The following VPS9D1 variants were observed in gnomAD, a reference collection of about 807,000 sequenced individuals.
The protein encoded by VPS9D1 is VPS9 domain-containing protein 1.
Under a neutral mutation model 75.8 loss-of-function variants are expected in VPS9D1, and 78 were observed. That is an observed-to-expected ratio of 1.03 (90% CI 0.86 to 1.24). VPS9D1 has a LOEUF of 1.24. Ranked by LOEUF, VPS9D1 falls within the 50% of genes most tolerant of loss-of-function variation. VPS9D1 has a pLI of 0.00. For synonymous variants in VPS9D1, 481 were observed against 385.6 expected, an observed-to-expected ratio of 1.25 and a Z score of -2.90; for missense variants, 1,057 against 847.7, an observed-to-expected ratio of 1.25 and a Z score of -3.07.
chr16:89,708,199 AG>A (rs1435015625), intron 14 of VPS9D1, among the ~76,000 whole-genome samples: 1 of 152,214 alleles, frequency 6.6e-6, no homozygotes, highest in Non-Finnish European at 1.5e-5. Flanking sequence ...CTCAGGGGAC[AG>A]CCCCCAGCTC....
Position 89,716,808 on chromosome 16 carries a change from C to G in VPS9D1, c.190G>C (p.Val64Leu), listed in dbSNP as rs2061080869. The G allele has an allele frequency of 6.3e-7, 1 of 1,592,116 alleles. No homozygotes were observed. The highest frequency in any genetic ancestry group is 8.5e-7 in the Non-Finnish European group (1 of 1,174,014). ...VETTKEAGET[V>L]PPDTSKMLKL... ...AGCATCTTGGAGGTGTCGGGGGGCA[C>G]AGTTTCCCCAGCTTCTGGGGGAGGG... is the stretch of plus-strand genomic sequence containing the variant. Residue 64 changes from valine to leucine, a missense_variant, in exon 3 of 15, where the codon GTG becomes CTG. Val to Leu is a conservative substitution (Grantham distance 32). Coordinates refer to ENST00000389386, the MANE Select transcript of VPS9D1 (RefSeq NM_004913.3).
Position 89,712,722 on chromosome 16 carries a change from A to T in VPS9D1, c.432-6T>A. The T allele has an allele frequency of 6.3e-7, 1 of 1,582,016 alleles. No homozygotes were observed. The highest frequency in any genetic ancestry group is 8.6e-7 in the Non-Finnish European group (1 of 1,165,236). On this transcript the variant is annotated splice_region_variant and splice_polypyrimidine_tract_variant and intron_variant, in intron 4 of 14. Coordinates refer to ENST00000389386, the MANE Select transcript of VPS9D1 (RefSeq NM_004913.3). ...CCTCCAGTGGCGTCAGCTCTCTGGA[A>T]ATGTGACAAGCTGCTGTCTAGACCC...
intron 11 of VPS9D1, 23 bp from the exon 12 acceptor site, chr16:89,709,458 T>C (rs752966094): frequency 6.7e-7 from 1 of 1,497,908 alleles, no homozygotes; most frequent in Admixed American, 2.3e-5. Flanking sequence ...GAGGCCAGGC[T>C]AAGCTGCCCC....
At position 89,710,688 on chromosome 16, in the gene VPS9D1, A is replaced by G; in HGVS notation, c.1156T>C (p.Phe386Leu). The change falls in exon 10 of 15, where the codon TTC (phenylalanine) becomes CTC (leucine). Residue 386 changes from phenylalanine to leucine, a missense_variant. Transcript: ENST00000389386. Reference protein sequence around the residue: ...KDSSFEDLEQFLGTSERQGRG... With the variant: ...KDSSFEDLEQLLGTSERQGRG... ...CCCTGCCGCTCAGACGTCCCCAGGA[A>G]CTGCTCCAGGTCCTCGAACGAGCTG... is the stretch of plus-strand genomic sequence containing the variant. 1 of 1,611,198 alleles carries G rather than the reference A, an allele frequency of 6.2e-7. No homozygotes were observed. Among genetic ancestry groups the G allele is most frequent in the East Asian group, 2.2e-5 (1 of 44,828 alleles).
At chr16:89,708,050 C>T (rs2060831052) in intron 14 of VPS9D1, 96 bp from the exon 15 acceptor site, 1 of 1,280,214 alleles carries the variant, frequency 7.8e-7, no homozygotes, top group African/African-American at 1.5e-5. Context: ...AGTTCAGGAC[C>T]TGGGTGCTGA....
chr16:89,710,932 G>A lies in VPS9D1; in HGVS notation c.912C>T (p.Ser304=), dbSNP rs560282291. ...SVYSALYPAV[S]RAAAPAPGCC... is the part of the protein sequence containing the mutation. Reference sequence around the variant, plus strand: ...AGCCTGGGGCTGGCGCGGCTGCTCTGCTCACGGCGGGATACAGGGCGCTGT... The same window carrying A: ...AGCCTGGGGCTGGCGCGGCTGCTCTACTCACGGCGGGATACAGGGCGCTGT... The change falls in exon 10 of 15, where the codon AGC becomes AGT. Residue 304 remains serine (S), a synonymous_variant. Coordinates refer to ENST00000389386, the MANE Select transcript of VPS9D1 (RefSeq NM_004913.3). 8 of 1,483,386 alleles carry A rather than the reference G, an allele frequency of 5.4e-6. No homozygotes were observed. The African/African-American group carries it at 1.1e-4, about 21-fold the overall frequency. 91.9% of individuals were successfully genotyped at this position (1,483,386 alleles called of 1,614,324 possible). A position where few individuals can be genotyped will look rare whatever the true frequency, so the allele number is the denominator to read the frequency against.
chr16:89,712,215 GT>G, intron 6 of VPS9D1, 116 bp from the exon 7 acceptor site: 6 of 1,464,368 alleles, frequency 4.1e-6, no homozygotes, highest in African/African-American at 1.4e-5. Context: ...GTGAGGGGCT[GT>G]CCCCAGGTAA....
At chr16:89,715,534 T>A (rs1404245745) in intron 4 of VPS9D1, among the ~76,000 whole-genome samples, 1 of 151,860 alleles carries the variant, frequency 6.6e-6, no homozygotes, top group South Asian at 2.1e-4. Flanking sequence ...TCATTTTTTT[T>A]TTTTTTAGAC....
chr16:89,720,871 CG>C lies in VPS9D1; in HGVS notation c.-11del. ...CGGCCGCAGCGGCCATGGCGCCGAG[CG>C]GGGGAGGCGGCGGCGGTAGCCGAGG... On this transcript the variant is annotated 5_prime_UTR_variant, in exon 1 of 15. Coordinates refer to ENST00000389386, the MANE Select transcript of VPS9D1 (RefSeq NM_004913.3). 5 of 1,357,888 alleles carry C rather than the reference CG, an allele frequency of 3.7e-6. No individual in the cohort carries two copies. Among genetic ancestry groups the C allele is most frequent in the Admixed American group, 3.3e-5 (1 of 30,416 alleles). 84.1% of individuals were successfully genotyped at this position (1,357,888 alleles called of 1,614,324 possible). A position where few individuals can be genotyped will look rare whatever the true frequency, so the allele number is the denominator to read the frequency against.
rs1279208456 is a variant in VPS9D1 at position 89,716,071 on chromosome 16, TC to T, written c.431+390del. On this transcript the variant is annotated intron_variant, in intron 4 of 14. Transcript: ENST00000389386. ...CAGGCGCAGTGGCTCATGCCTGTAA[TC>T]CCAGCACTGTGGGGGCCGGGCGCGG... Among the ~76,000 whole-genome samples the T allele has an allele frequency of 6.2e-5, 9 of 146,290 alleles. No homozygotes were observed. In the East Asian group the frequency reaches 1.8e-3, roughly 30 times the overall value.
rs756118797 is a variant in VPS9D1 at position 89,708,888 on chromosome 16, CCTGGGGTGTGGCCT to C, written c.1652_1665del (p.Glu551GlyfsTer15). ...GCTGCAGCGATGGGCGGGGGCCCGGCCTGGGGTGTGGCCTCTGGGGTGGGGCAGTAGTCTTCCGC... is the reference window on the plus strand; with the variant it reads ...GCTGCAGCGATGGGCGGGGGCCCGGCCTGGGGTGGGGCAGTAGTCTTCCGC... On this transcript the variant is annotated frameshift_variant, in exon 13 of 15. Coordinates refer to ENST00000389386, the MANE Select transcript of VPS9D1 (RefSeq NM_004913.3). LOFTEE classifies it high-confidence loss of function. The C allele has an allele frequency of 4.4e-6, 7 of 1,593,856 alleles. No homozygotes were observed. Among genetic ancestry groups the C allele is most frequent in the Admixed American group, 3.7e-5 (2 of 54,044 alleles).
intron 1 of VPS9D1, chr16:89,720,531 G>C: frequency 8.6e-7 from 1 of 1,162,286 alleles, no homozygotes. Flanking sequence ...TGATGCACCG[G>C]CTCAGCGAGC....
Position 89,708,372 on chromosome 16 carries a change from G to A in VPS9D1, c.1802+55C>T, listed in dbSNP as rs533357538. ...CTGACAACCACCGTTTAGGTTGAGGGATGAGGTCCCTGCTCTTCGCACAGA... is the reference window on the plus strand; with the variant it reads ...CTGACAACCACCGTTTAGGTTGAGGAATGAGGTCCCTGCTCTTCGCACAGA... On this transcript the variant is annotated intron_variant, in intron 14 of 14. Coordinates refer to ENST00000389386, the MANE Select transcript of VPS9D1 (RefSeq NM_004913.3). The A allele has an allele frequency of 4.7e-5, 71 of 1,512,452 alleles. No individual in the cohort carries two copies. The South Asian group carries it at 4.9e-4, about 10-fold the overall frequency. 93.7% of individuals were successfully genotyped at this position (1,512,452 alleles called of 1,614,324 possible).
At chr16:89,708,817 C>A (rs1477832076) in intron 13 of VPS9D1, 40 bp downstream of exon 13, 1 of 1,528,770 alleles carries the variant, frequency 6.5e-7, no homozygotes, top group Non-Finnish European at 8.8e-7. Context: ...CTTTCTAGGG[C>A]CCTTCCTCCC....
At chr16:89,718,175 C>T in intron 2 of VPS9D1, 1 of 411,604 alleles carries the variant, frequency 2.4e-6, no homozygotes. Flanking sequence ...CTATTCCTCT[C>T]CTTGCCAGTT....
chr16:89,716,998 GCCC>G lies in VPS9D1; in HGVS notation c.176-179_176-177del, dbSNP rs995284341. 2.9e-4 allele frequency: 109 copies of G among 370,816 alleles called. 1 individual carries two copies. Among genetic ancestry groups the G allele is most frequent in the Non-Finnish European group, 4.3e-4 (101 of 235,712 alleles). The allele number at this position is 370,816 out of a possible 1,614,324, so 23.0% of individuals were successfully genotyped here. A position where few individuals can be genotyped will look rare whatever the true frequency, so the allele number is the denominator to read the frequency against. ...CTCACTGACCCTGGGCAAGCCCACT[GCCC>G]CCCCATCCCCTCACCCCGGGTAAGC... is the stretch of plus-strand genomic sequence containing the variant. On this transcript the variant is annotated intron_variant, in intron 2 of 14. Transcript: ENST00000389386.
rs759510263 is a variant in VPS9D1, at chr16:89,712,593, G to T, written c.543+12C>A. ...CCCACGCACCCCCAGGCCCTCCCTA[G>T]CCCCCACTCACCAGGGATGTCTTCT... On this transcript the variant is annotated intron_variant, in intron 5 of 14. Transcript: ENST00000389386. 3 of 1,609,154 alleles carry T rather than the reference G, an allele frequency of 1.9e-6. No individual in the cohort carries two copies. Among genetic ancestry groups the T allele is most frequent in the Admixed American group, 1.7e-5 (1 of 59,582 alleles).
chr16:89,709,049 G>T lies in VPS9D1; in HGVS notation c.1598-93C>A, dbSNP rs1417960645. Reference sequence around the variant, plus strand: ...CGCCCACCCACCCACCTCCTGATGTGCACGGCTGGGAAGAGCCACGGTGAC... The same window carrying T: ...CGCCCACCCACCCACCTCCTGATGTTCACGGCTGGGAAGAGCCACGGTGAC... On this transcript the variant is annotated intron_variant, in intron 12 of 14. Coordinates refer to ENST00000389386, the MANE Select transcript of VPS9D1 (RefSeq NM_004913.3). 5 of 510,790 alleles carry T rather than the reference G, an allele frequency of 9.8e-6. No individual in the cohort carries two copies. The African/African-American group carries it at 3.2e-4, about 32-fold the overall frequency. The allele number at this position is 510,790 out of a possible 1,614,324, so 31.6% of individuals were successfully genotyped here. A position where few individuals can be genotyped will look rare whatever the true frequency, so the allele number is the denominator to read the frequency against.
Position 89,712,625 on chromosome 16 carries a change from C to T in VPS9D1, c.523G>A (p.Ala175Thr), listed in dbSNP as rs772891969. ...ARMARLDPSQ[A>T]MQKTSLTLSL... ...CTCACCAGGGATGTCTTCTGCATGG[C>T]CTGGCTGGGGTCTAGCCGCGCCATT... Residue 175 changes from alanine (A) to threonine (T), a missense_variant, in exon 5 of 15, where the codon GCC (alanine) becomes ACC (threonine). By Grantham distance (58) the Ala-to-Thr change is moderately conservative (BLOSUM62 0). Transcript: ENST00000389386. The T allele has an allele frequency of 8.1e-6, 13 of 1,610,144 alleles. No individual in the cohort carries two copies. In the Middle Eastern group the frequency reaches 6.7e-4, roughly 83 times the overall value.
Sources: gnomAD v4.1 joint callset for allele counts (sites outside exome capture counted in the v4.1 genomes callset) on GRCh38, gnomAD v4.1.1 for gene constraint, MANE v1.5 for transcripts, NCBI Gene and HGNC (gene_info 2026-07-23, HGNC 2026-07-21) for gene names.